NXPH1: variants seen among roughly 807,000 people sequenced by gnomAD.
NXPH1 encodes the protein neurexophilin-1.
NXPH1 carries 5 observed loss-of-function variants against 23.7 expected under a neutral mutation model. The observed-to-expected ratio is 0.21, with a 90% CI of 0.11 to 0.44. The LOEUF (loss-of-function observed/expected upper bound fraction) is 0.44, where lower values mean the gene tolerates loss of function less well. Ranked by LOEUF, NXPH1 falls within the 20% of genes least tolerant of loss-of-function variation. The pLI, the probability that NXPH1 is intolerant of heterozygous loss-of-function variation, is 0.99. For synonymous variants in NXPH1, 144 were observed against 122.2 expected (o/e 1.18, Z -1.18); for missense variants, 324 against 321.6 (o/e 1.01, Z -0.06).
chr7:8,557,467 C>G (rs1224433545), intron 2 of NXPH1, among the ~76,000 whole-genome samples: 3 of 151,634 alleles, frequency 2.0e-5, no homozygotes, highest in Admixed American at 2.0e-4. Context: ...ACCCTAGCTA[C>G]TCCTTTGCAA....
chr7:8,606,688 C>T (rs1166011919), intron 2 of NXPH1, among the ~76,000 whole-genome samples: 2 of 152,158 alleles, frequency 1.3e-5, no homozygotes, highest in African/African-American at 2.4e-5. Context: ...AATGAATTGC[C>T]TCTGCCATAT....
chr7:8,730,028 A>C (rs557438370), intron 2 of NXPH1, among the ~76,000 whole-genome samples: 13 of 152,296 alleles, frequency 8.5e-5, no homozygotes, highest in South Asian at 8.3e-4. Context: ...GTGCTCCTAT[A>C]TTGGGTGCAT....
intron 2 of NXPH1, among the ~76,000 whole-genome samples, chr7:8,625,508 C>CCT (rs1393861936): frequency 6.6e-6 from 1 of 152,066 alleles, no homozygotes; most frequent in Non-Finnish European, 1.5e-5. Flanking sequence ...TCAATTAACC[C>CCT]CTGCCAAAGC....
intron 2 of NXPH1, among the ~76,000 whole-genome samples, chr7:8,527,299 C>T (rs1043330434): frequency 2.0e-5 from 3 of 152,160 alleles, no homozygotes; most frequent in African/African-American, 7.2e-5. Context: ...TGGATGCACT[C>T]CAGAGGATGA....
At position 8,583,226 on chromosome 7, in the gene NXPH1, A is replaced by G. The variant is rs753977610; in HGVS notation, c.54+147459A>G. On this transcript the variant is annotated intron_variant, in intron 2 of 2. Transcript: ENST00000405863. ...CTGTATATCTATTATGACTTCCCAA[A>G]ATAGGTACAGAGATCTGGCATTTCC... is the stretch of plus-strand genomic sequence containing the variant. Among the ~76,000 whole-genome samples the G allele has an allele frequency of 4.6e-5, 7 of 152,272 alleles. No individual in the cohort carries two copies. The East Asian group carries it at 1.4e-3, about 29-fold the overall frequency.
At chr7:8,465,586 T>C (rs1816774123) in intron 2 of NXPH1, among the ~76,000 whole-genome samples, 1 of 152,212 alleles carries the variant, frequency 6.6e-6, no homozygotes, top group Admixed American at 6.5e-5. Flanking sequence ...AGGAAAGTAT[T>C]GCAAAGCAGG....
intron 2 of NXPH1, among the ~76,000 whole-genome samples, chr7:8,478,878 G>T (rs1449763790): frequency 1.3e-5 from 2 of 152,006 alleles, no homozygotes; most frequent in East Asian, 1.9e-4. Context: ...ATGAGCCAAA[G>T]ATTTTTATAT....
In NXPH1 at chr7:8,518,655, TA is replaced by T. The variant is rs564690677; in HGVS notation, c.54+82897del. Among the ~76,000 whole-genome samples the T allele has an allele frequency of 3.4e-4, 51 of 151,396 alleles. 1 individual carries two copies. In the South Asian group the frequency reaches 8.8e-3, roughly 26 times the overall value. On this transcript the variant is annotated intron_variant, in intron 2 of 2. Coordinates refer to ENST00000405863, the MANE Select transcript of NXPH1 (RefSeq NM_152745.3). ...GTACAGGACACCACACTCAGCTAATTAAAAAAAAATTGTAGAGATGAGGTCT... is the reference window on the plus strand; with the variant it reads ...GTACAGGACACCACACTCAGCTAATTAAAAAAAATTGTAGAGATGAGGTCT...
intron 2 of NXPH1, among the ~76,000 whole-genome samples, chr7:8,705,961 A>G (rs1011419140): frequency 1.8e-4 from 28 of 152,178 alleles, no homozygotes; most frequent in African/African-American, 6.0e-4. Context: ...ATAGAAGGAA[A>G]AGCCTCTGCA....
intron 2 of NXPH1, among the ~76,000 whole-genome samples, chr7:8,621,277 G>A (rs145117670): frequency 2.2e-3 from 332 of 152,252 alleles, no homozygotes; most frequent in African/African-American, 7.3e-3. Flanking sequence ...GAAGAAGTCT[G>A]TCCAGGAGCT....
intron 2 of NXPH1, among the ~76,000 whole-genome samples, chr7:8,741,147 T>G (rs1780353868): frequency 6.6e-6 from 1 of 152,166 alleles, no homozygotes; most frequent in South Asian, 2.1e-4. Flanking sequence ...CATGCAGTAT[T>G]TGTTTCTGTC....
chr7:8,523,668 C>G (rs1466413032), intron 2 of NXPH1, among the ~76,000 whole-genome samples: 2 of 152,176 alleles, frequency 1.3e-5, no homozygotes, highest in African/African-American at 4.8e-5. Flanking sequence ...CTAAGGAGCT[C>G]TAAAAGACCT....
At chr7:8,693,020 G>A (rs780512739) in intron 2 of NXPH1, among the ~76,000 whole-genome samples, 1 of 152,042 alleles carries the variant, frequency 6.6e-6, no homozygotes, top group African/African-American at 2.4e-5. Flanking sequence ...TATTTAGAAG[G>A]AGCTCTTAGG....
chr7:8,736,583 T>C (rs909581764), intron 2 of NXPH1, among the ~76,000 whole-genome samples: 59 of 152,222 alleles, frequency 3.9e-4, no homozygotes, highest in African/African-American at 1.3e-3. Flanking sequence ...TGTGATGTGG[T>C]GCTGACAAGA....
intron 2 of NXPH1, among the ~76,000 whole-genome samples, chr7:8,640,725 G>T (rs1820294652): frequency 6.6e-6 from 1 of 152,130 alleles, no homozygotes; most frequent in South Asian, 2.1e-4. Context: ...GGAGGTCAAG[G>T]CAGGAGGACT....
intron 2 of NXPH1, among the ~76,000 whole-genome samples, chr7:8,564,602 A>G (rs192707114): frequency 2.0e-5 from 3 of 151,940 alleles, no homozygotes; most frequent in Admixed American, 2.0e-4. Context: ...CACTTACTCC[A>G]AATTCCTAAT....
intron 2 of NXPH1, among the ~76,000 whole-genome samples, chr7:8,439,725 G>A (rs1816259650): frequency 6.6e-6 from 1 of 152,184 alleles, no homozygotes; most frequent in African/African-American, 2.4e-5. Context: ...AGTTTGGAGA[G>A]TAATTAATGT....
At chr7:8,566,027 A>G (rs1818539177) in intron 2 of NXPH1, among the ~76,000 whole-genome samples, 1 of 151,780 alleles carries the variant, frequency 6.6e-6, no homozygotes, top group South Asian at 2.1e-4. Flanking sequence ...GGTTACTCCA[A>G]AGTAGGTGGG....
chr7:8,549,868 G>A (rs551509602), intron 2 of NXPH1, among the ~76,000 whole-genome samples: 58 of 151,608 alleles, frequency 3.8e-4, no homozygotes, highest in African/African-American at 1.3e-3. Context: ...GTTTCAGTGC[G>A]TGTTTGTAAC....
Sources: allele counts gnomAD v4.1 joint callset (sites outside exome capture counted in the v4.1 genomes callset), GRCh38; gene constraint gnomAD v4.1.1; transcripts MANE v1.5; gene names NCBI Gene and HGNC (gene_info 2026-07-23, HGNC 2026-07-21).